NFIB: variants seen among roughly 807,000 people sequenced by gnomAD.
NFIB encodes nuclear factor 1 B-type.
A neutral mutation model predicts 61.5 loss-of-function variants in NFIB; 11 were observed. The ratio of observed to expected loss-of-function variants is 0.18; its 90% CI spans 0.11 to 0.30. The LOEUF is 0.30. Ranked by LOEUF, NFIB falls within the 10% of genes least tolerant of loss-of-function variation. The pLI is 1.00. For missense variants in NFIB, 471 were observed against 608.9 expected (o/e 0.77, Z 2.38); for synonymous variants, 260 against 216.5 (o/e 1.20, Z -1.76).
chr9:14,404,332 G>T, the NFIB span, among the ~76,000 whole-genome samples: 1 of 152,132 alleles, frequency 6.6e-6, no homozygotes, highest in Non-Finnish European at 1.5e-5. Context: ...CAAGTATCAG[G>T]CACTATTCTT....
chr9:14,158,127 CAAAACAAAACAAA>C (rs1210182575), intron 3 of NFIB, among the ~76,000 whole-genome samples: 1 of 145,728 alleles, frequency 6.9e-6, no homozygotes, highest in Non-Finnish European at 1.5e-5. Context: ...AAAAAAAAAA[CAAAACAAAACAAA>C]AAAACAAAAC....
intron 1 of NFIB, among the ~76,000 whole-genome samples, chr9:14,394,036 C>T (rs925678791): frequency 6.6e-6 from 1 of 152,198 alleles, no homozygotes; most frequent in African/African-American, 2.4e-5. Flanking sequence ...ACTCATCCAT[C>T]TGTTTATGTA....
chr9:14,490,710 T>C, the NFIB span, among the ~76,000 whole-genome samples: 1 of 152,156 alleles, frequency 6.6e-6, no homozygotes, highest in African/African-American at 2.4e-5. Flanking sequence ...CTCAATTTCA[T>C]CAGCATTTAA....
At chr9:14,470,896 A>G in the NFIB span, among the ~76,000 whole-genome samples, 1 of 152,202 alleles carries the variant, frequency 6.6e-6, no homozygotes, top group African/African-American at 2.4e-5. Context: ...AATGGGATGG[A>G]GAAGATGAAC....
chr9:14,101,321 TTAA>T (rs1429190393), intron 10 of NFIB, among the ~76,000 whole-genome samples: 2 of 152,356 alleles, frequency 1.3e-5, no homozygotes, highest in African/African-American at 4.8e-5. Flanking sequence ...TGGTAGTGAA[TTAA>T]TAAAAAGTCA....
chr9:14,131,022 T>A (rs780303386), intron 6 of NFIB, among the ~76,000 whole-genome samples: 1 of 151,964 alleles, frequency 6.6e-6, no homozygotes, highest in African/African-American at 2.4e-5. Context: ...GGGCAGAAAT[T>A]AAAGACAGAA....
Position 14,307,268 on chromosome 9 carries a change from T to C in NFIB, c.283A>G (p.Thr95Ala). The C allele has an allele frequency of 6.2e-7, 1 of 1,614,066 alleles. No individual in the cohort carries two copies. Among genetic ancestry groups the C allele is most frequent in the Non-Finnish European group, 8.5e-7 (1 of 1,180,012 alleles). Residue 95 changes from threonine (T) to alanine (A), a missense_variant, in exon 2 of 11, where the codon ACC becomes GCC. Transcript: ENST00000380953. This position sits in a 1 kb window ranked among gnomAD's most constrained non-coding sequence, Gnocchi z 5.3. ...RQEYREDFVL[T>A]VTGKKHPCCV... ...CACGGGTGCTTCTTGCCAGTCACGGTGAGCACAAAGTCCTCTCGATACTCC... is the reference window on the plus strand; with the variant it reads ...CACGGGTGCTTCTTGCCAGTCACGGCGAGCACAAAGTCCTCTCGATACTCC...
At chr9:14,295,757 T>C (rs1471921654) in intron 2 of NFIB, among the ~76,000 whole-genome samples, 1 of 152,030 alleles carries the variant, frequency 6.6e-6, no homozygotes, top group Non-Finnish European at 1.5e-5. Flanking sequence ...ATTTAATTTT[T>C]TTGTACATGA....
At chr9:14,279,655 G>A (rs1034271612) in intron 2 of NFIB, among the ~76,000 whole-genome samples, 1 of 152,128 alleles carries the variant, frequency 6.6e-6, no homozygotes, top group Non-Finnish European at 1.5e-5. Context: ...ATATTTATGG[G>A]CCACAACATG....
the NFIB span, among the ~76,000 whole-genome samples, chr9:14,504,324 T>C: frequency 2.0e-5 from 3 of 152,180 alleles, no homozygotes; most frequent in Non-Finnish European, 4.4e-5. Flanking sequence ...TTTTTTTGGT[T>C]CCATATGAAT....
chr9:14,451,740 C>A, the NFIB span, among the ~76,000 whole-genome samples: 1 of 152,152 alleles, frequency 6.6e-6, no homozygotes, highest in Admixed American at 6.5e-5. Context: ...AATATGAAAA[C>A]TTGTCCTAAT....
At chr9:14,481,197 G>GTTTATATATATATA in the NFIB span, among the ~76,000 whole-genome samples, 1 of 45,844 alleles carries the variant, frequency 2.2e-5, no homozygotes, top group South Asian at 9.9e-4. Context: ...GTGTGTGTGT[G>GTTTATATATATATA]TATATATATA....
chr9:14,492,163 A>C, the NFIB span, among the ~76,000 whole-genome samples: 3 of 152,078 alleles, frequency 2.0e-5, no homozygotes, highest in Non-Finnish European at 4.4e-5. Context: ...GGAGATCGAG[A>C]CCATCCTGGA....
intron 10 of NFIB, among the ~76,000 whole-genome samples, chr9:14,102,816 T>G (rs1438564672): frequency 6.6e-6 from 1 of 152,192 alleles, no homozygotes; most frequent in Non-Finnish European, 1.5e-5. Context: ...AAAGCAAACG[T>G]TAATGTTCAA....
At chr9:14,142,268 G>C (rs2131061618) in intron 6 of NFIB, among the ~76,000 whole-genome samples, 1 of 152,268 alleles carries the variant, frequency 6.6e-6, no homozygotes, top group African/African-American at 2.4e-5. Context: ...TCGTGATAGT[G>C]AATGAGTCTC....
At chr9:14,149,680 G>C (rs947738490) in intron 5 of NFIB, among the ~76,000 whole-genome samples, 1 of 152,146 alleles carries the variant, frequency 6.6e-6, no homozygotes, top group African/African-American at 2.4e-5. Context: ...ACTAATTGAA[G>C]AACTTGGCAA....
Position 14,082,422 on chromosome 9 carries a change from TC to T in NFIB, c.*5886del. On this transcript the variant is annotated 3_prime_UTR_variant, in exon 11 of 11. Coordinates refer to ENST00000380953, the MANE Select transcript of NFIB (RefSeq NM_001190737.2). ...ATATCATTGAGGTGGGGGCAGCTCT[TC>T]CCAGGATGCTAAAAGTTCTATATGA... The T allele has an allele frequency of 4.9e-6, 1 of 203,642 alleles. No individual in the cohort carries two copies. The highest frequency in any genetic ancestry group is 1.0e-5 in the Non-Finnish European group (1 of 99,000). The allele number at this position is 203,642 out of a possible 1,614,324, so 12.6% of individuals were successfully genotyped here.
intron 2 of NFIB, among the ~76,000 whole-genome samples, chr9:14,265,573 T>C (rs1344605756): frequency 2.0e-5 from 3 of 152,150 alleles, no homozygotes; most frequent in Non-Finnish European, 2.9e-5. Flanking sequence ...AGTGAGGAAA[T>C]AAATTTCTGT....
At chr9:14,315,461 G>A (rs1325274838), upstream of NFIB, among the ~76,000 whole-genome samples, 13 of 147,570 alleles carry the variant, frequency 8.8e-5, no homozygotes, top group Non-Finnish European at 6.0e-5. Context: ...CCCACCCCCC[G>A]GGGCCCGGGG....
Sources: gnomAD v4.1 joint callset for allele counts (sites outside exome capture counted in the v4.1 genomes callset) on GRCh38, gnomAD v4.1.1 for gene constraint, Gnocchi (gnomAD v3.1) non-coding constraint, MANE v1.5 for transcripts, NCBI Gene and HGNC (gene_info 2026-07-23, HGNC 2026-07-21) for gene names.